The following TMEM132E variants were observed in gnomAD, a reference collection of about 807,000 sequenced individuals.
TMEM132E encodes the protein transmembrane protein 132E.
A neutral mutation model predicts 78.5 loss-of-function variants in TMEM132E; 49 were observed. That is an observed-to-expected ratio of 0.62 (90% CI 0.50 to 0.79). The LOEUF is 0.79. Among genes scored for constraint, TMEM132E ranks in the 30% least tolerant of loss-of-function variants. The probability of loss-of-function intolerance (pLI) is 0.00; values close to 1 mark genes in which losing one functional copy is unlikely to be tolerated. For synonymous variants in TMEM132E, 715 were observed against 670.6 expected, an observed-to-expected ratio of 1.07 and a Z score of -1.02; for missense variants, 1,403 against 1,470.9, an observed-to-expected ratio of 0.95 and a Z score of 0.75.
At chr17:34,613,142 T>C (rs1461216592) in intron 1 of TMEM132E, among the ~76,000 whole-genome samples, 4 of 143,724 alleles carry the variant, frequency 2.8e-5, no homozygotes, top group African/African-American at 1.0e-4. Flanking sequence ...AGGCCTATGG[T>C]GGCACTCACA....
At chr17:34,607,244 G>A (rs1425736598) in intron 1 of TMEM132E, among the ~76,000 whole-genome samples, 5 of 152,154 alleles carry the variant, frequency 3.3e-5, no homozygotes, top group Non-Finnish European at 7.4e-5. Context: ...GCTGCGGACC[G>A]GGGATACAGA....
chr17:34,621,064 A>T (rs888404373), intron 1 of TMEM132E, among the ~76,000 whole-genome samples: 4 of 152,160 alleles, frequency 2.6e-5, no homozygotes, highest in Non-Finnish European at 4.4e-5. Flanking sequence ...CATTATCCCC[A>T]TGTGCAAAAG....
Position 34,614,332 on chromosome 17 carries a change from G to A in TMEM132E, c.68-11795G>A, listed in dbSNP as rs562438290. 5.3e-5 allele frequency: 8 copies of A among 152,356 alleles called. No individual in the cohort carries two copies. The South Asian group carries it at 1.2e-3, about 24-fold the overall frequency. The allele number at this position is 152,356 out of a possible 1,614,324, so 9.4% of individuals were successfully genotyped here. A position where few individuals can be genotyped will look rare whatever the true frequency, so the allele number is the denominator to read the frequency against. ...CACGCAGCCCTTTCCATCACAAAAG[G>A]GACCTCACATCAAAGCCCATTACAG... On this transcript the variant is annotated intron_variant, in intron 1 of 8. Coordinates refer to ENST00000631683, the MANE Select transcript of TMEM132E (RefSeq NM_001304438.2).
chr17:34,585,447 G>A (rs1393468431), intron 1 of TMEM132E, among the ~76,000 whole-genome samples: 1 of 152,246 alleles, frequency 6.6e-6, no homozygotes, highest in East Asian at 1.9e-4. Context: ...GGAGTGTGTA[G>A]TAGCGGGCAG....
In TMEM132E at chr17:34,613,173, CT is replaced by C. The variant is rs766595466; in HGVS notation, c.68-12953del. Among the ~76,000 whole-genome samples the C allele has an allele frequency of 7.4e-3, 810 of 109,452 alleles. 7 individuals carry two copies. The highest frequency in any genetic ancestry group is 0.015 in the Admixed American group (140 of 9,476). The allele number at this position is 109,452 out of a possible 152,430, so 71.8% of individuals were successfully genotyped here. A position where few individuals can be genotyped will look rare whatever the true frequency, so the allele number is the denominator to read the frequency against. On this transcript the variant is annotated intron_variant, in intron 1 of 8. Coordinates refer to ENST00000631683, the MANE Select transcript of TMEM132E (RefSeq NM_001304438.2). ...TCACACTCTCTCTCTCTCTCTCTCT[CT>C]ACACACACACACACACACACACCCA...
At chr17:34,609,047 C>T (rs917254389) in intron 1 of TMEM132E, among the ~76,000 whole-genome samples, 1 of 152,230 alleles carries the variant, frequency 6.6e-6, no homozygotes, top group Non-Finnish European at 1.5e-5. Flanking sequence ...TTTAACCAGC[C>T]TGGCTCTACA....
In TMEM132E at chr17:34,638,266, C is replaced by A. The variant is rs11080288; in HGVS notation, c.*34C>A. On this transcript the variant is annotated 3_prime_UTR_variant, in exon 9 of 9. Coordinates refer to ENST00000631683, the MANE Select transcript of TMEM132E (RefSeq NM_001304438.2). ...GCCGGAGTAGCAGGGACCCCCCCCC[C>A]CAACGGGGTCAGCTCGGGGTAGGAC... The A allele has an allele frequency of 0.23, 336,258 of 1,444,398 alleles. 39,331 individuals are homozygous for A. Among genetic ancestry groups the A allele is most frequent in the East Asian group, 0.27 (10,225 of 37,236 alleles). The allele number at this position is 1,444,398 out of a possible 1,614,324, so 89.5% of individuals were successfully genotyped here.
At chr17:34,608,294 T>C (rs1161654769) in intron 1 of TMEM132E, among the ~76,000 whole-genome samples, 4 of 152,216 alleles carry the variant, frequency 2.6e-5, no homozygotes, top group Admixed American at 6.5e-5. Context: ...AATGTCACAC[T>C]TCCCCAGGAC....
In TMEM132E at chr17:34,635,034, A is replaced by G; in HGVS notation, c.1924A>G (p.Met642Val). 6.2e-7 allele frequency: 1 copy of G among 1,614,080 alleles called. No individual in the cohort carries two copies. The highest frequency in any genetic ancestry group is 8.5e-7 in the Non-Finnish European group (1 of 1,180,006). The change falls in exon 7 of 9, where the codon ATG (methionine) becomes GTG (valine). Residue 642 changes from methionine to valine, a missense_variant. Met to Val is a conservative substitution (Grantham distance 21). Transcript: ENST00000631683. ...GGTGGGCGATCCCCGAGTGGCACACATGGTGGACAGCAGCACGCTGGCAGG... is the reference window on the plus strand; with the variant it reads ...GGTGGGCGATCCCCGAGTGGCACACGTGGTGGACAGCAGCACGCTGGCAGG... The part of the protein sequence containing the change: ...MRVGDPRVAH[M>V]VDSSTLAGLE...
At chr17:34,590,829 G>A (rs992613872) in intron 1 of TMEM132E, among the ~76,000 whole-genome samples, 3 of 152,124 alleles carry the variant, frequency 2.0e-5, no homozygotes, top group Non-Finnish European at 4.4e-5. Context: ...TCAAAGCAGG[G>A]TTCTCAATAA....
rs569184920 is a variant in TMEM132E, at chr17:34,635,957, G to T, written c.1978-50G>T. ...CTCCCTAGCTGGGGGTCTTGGGCAGGGGGGTGTGCTTTCCTGGTTCTCTCC... is the reference window on the plus strand; with the variant it reads ...CTCCCTAGCTGGGGGTCTTGGGCAGTGGGGTGTGCTTTCCTGGTTCTCTCC... On this transcript the variant is annotated intron_variant, in intron 7 of 8. Coordinates refer to ENST00000631683, the MANE Select transcript of TMEM132E (RefSeq NM_001304438.2). The T allele has an allele frequency of 4.1e-5, 55 of 1,333,426 alleles. 1 individual carries two copies. In the South Asian group the frequency reaches 9.2e-4, roughly 22 times the overall value. 82.6% of individuals were successfully genotyped at this position (1,333,426 alleles called of 1,614,324 possible).
At chr17:34,632,106 G>A (rs1420611649) in intron 5 of TMEM132E, among the ~76,000 whole-genome samples, 1 of 152,178 alleles carries the variant, frequency 6.6e-6, no homozygotes, top group Admixed American at 6.5e-5. Flanking sequence ...GGGGTTCTAA[G>A]GTCCTGAGTT....
intron 1 of TMEM132E, among the ~76,000 whole-genome samples, chr17:34,602,931 A>T (rs1419082329): frequency 1.3e-5 from 2 of 152,212 alleles, no homozygotes. Context: ...GAGAGATGCC[A>T]GTTGCCTCTC....
rs771848976 is a variant in TMEM132E, at chr17:34,626,895, C to G, written c.836C>G (p.Pro279Arg). ...LRIGSISLFR[P>R]PPRRTLQEHR... ...ATCGGGAGCATCAGCCTGTTCCGCC[C>G]GCCCCCCAGGAGGACCCTGCAGGAG... is the stretch of plus-strand genomic sequence containing the variant. Residue 279 changes from proline (P) to arginine (R), a missense_variant, in exon 2 of 9, where the codon CCG becomes CGG. Coordinates refer to ENST00000631683, the MANE Select transcript of TMEM132E (RefSeq NM_001304438.2). 1.9e-6 allele frequency: 3 copies of G among 1,612,746 alleles called. No individual in the cohort carries two copies. Among genetic ancestry groups the G allele is most frequent in the Admixed American group, 3.3e-5 (2 of 60,004 alleles).
At chr17:34,616,408 C>T (rs1906780624) in intron 1 of TMEM132E, among the ~76,000 whole-genome samples, 1 of 152,220 alleles carries the variant, frequency 6.6e-6, no homozygotes. Context: ...CTGCTGGTGG[C>T]TTCAGTGGCT....
rs1408469195 is a variant in TMEM132E, at chr17:34,638,254, G to A, written c.*22G>A. The A allele has an allele frequency of 6.8e-7, 1 of 1,480,538 alleles. No homozygotes were observed. Among genetic ancestry groups the A allele is most frequent in the Non-Finnish European group, 8.9e-7 (1 of 1,119,544 alleles). The allele number at this position is 1,480,538 out of a possible 1,614,324, so 91.7% of individuals were successfully genotyped here. On this transcript the variant is annotated 3_prime_UTR_variant, in exon 9 of 9. Transcript: ENST00000631683. Reference sequence around the variant, plus strand: ...ATAGAGGCGCCAGCCGGAGTAGCAGGGACCCCCCCCCCCAACGGGGTCAGC... The same window carrying A: ...ATAGAGGCGCCAGCCGGAGTAGCAGAGACCCCCCCCCCCAACGGGGTCAGC...
chr17:34,628,834 G>A (rs1002872991), intron 3 of TMEM132E, 125 bp downstream of exon 3: 1 of 1,389,584 alleles, frequency 7.2e-7, no homozygotes, highest in African/African-American at 1.5e-5. Context: ...GGTCTCTGAG[G>A]TCCAGGCCCC....
At position 34,626,859 on chromosome 17, in the gene TMEM132E, C is replaced by G. The variant is rs752738711; in HGVS notation, c.800C>G (p.Pro267Arg). The part of the protein sequence containing the change: ...GARAESPTQH[P>R]LLRIGSISLF... ...CGAGCGGAAAGCCCTACCCAGCACC[C>G]CCTGCTGCGCATCGGGAGCATCAGC... The change falls in exon 2 of 9, where the codon CCC becomes CGC. Residue 267 changes from proline (P) to arginine (R), a missense_variant. Physicochemically the swap from Pro to Arg is moderately radical, Grantham distance 103 (BLOSUM62 -2). Transcript: ENST00000631683. The G allele has an allele frequency of 7.5e-6, 12 of 1,604,810 alleles. No individual in the cohort carries two copies. Among genetic ancestry groups the G allele is most frequent in the Non-Finnish European group, 9.3e-6 (11 of 1,178,604 alleles).
intron 1 of TMEM132E, among the ~76,000 whole-genome samples, chr17:34,597,006 G>A (rs1260139827): frequency 1.3e-5 from 2 of 151,938 alleles, no homozygotes; most frequent in African/African-American, 4.8e-5. Flanking sequence ...CTGCTCCAAA[G>A]CTAGGAAGGG....
Sources: allele counts gnomAD v4.1 joint callset (sites outside exome capture counted in the v4.1 genomes callset), GRCh38; gene constraint gnomAD v4.1.1; transcripts MANE v1.5; gene names NCBI Gene and HGNC (gene_info 2026-07-23, HGNC 2026-07-21).